Variants in EYA3 observed in about 807,000 individuals in gnomAD.
EYA3 encodes protein phosphatase EYA3.
Under a neutral mutation model 80.0 loss-of-function variants are expected in EYA3, and 39 were observed. The observed-to-expected ratio is 0.49, with a 90% CI of 0.38 to 0.64. EYA3 has a LOEUF of 0.64. Ranked by LOEUF, EYA3 falls within the 30% of genes least tolerant of loss-of-function variation. The probability of loss-of-function intolerance (pLI) is 0.00; values close to 1 mark genes in which losing one functional copy is unlikely to be tolerated. For synonymous variants in EYA3, 206 were observed against 232.8 expected (o/e 0.88, Z 1.05); for missense variants, 523 against 676.1 (o/e 0.77, Z 2.51).
chr1:28,013,596 T>C lies in EYA3; in HGVS notation c.586-302A>G, dbSNP rs1457060988. Among the ~76,000 whole-genome samples the C allele has an allele frequency of 1.3e-5, 2 of 152,176 alleles. No individual in the cohort carries two copies. Among genetic ancestry groups the C allele is most frequent in the African/African-American group, 4.8e-5 (2 of 41,430 alleles). On this transcript the variant is annotated intron_variant, in intron 8 of 17. Transcript: ENST00000373871. This position sits in a 1 kb window ranked among gnomAD's most constrained non-coding sequence, Gnocchi z 4.0. ...TCCCTTTTTGTACTCTAACAGCCTC[T>C]TCCCCCAGTTTTATGTACCGAATTT...
At chr1:28,051,435 C>A (rs1385450584) in intron 2 of EYA3, among the ~76,000 whole-genome samples, 1 of 152,108 alleles carries the variant, frequency 6.6e-6, no homozygotes, top group Non-Finnish European at 1.5e-5. Flanking sequence ...CGCTTCTAAT[C>A]CCAGCACTTT....
chr1:28,081,482 T>C (rs72658366), intron 1 of EYA3, among the ~76,000 whole-genome samples: 3,834 of 152,326 alleles, frequency 0.025, 98 homozygotes, highest in African/African-American at 0.064. Context: ...AATAAAACAC[T>C]GATTTTTATA....
chr1:28,050,190 A>AT (rs1453963350), intron 2 of EYA3, among the ~76,000 whole-genome samples: 6 of 97,840 alleles, frequency 6.1e-5, no homozygotes, highest in Admixed American at 2.1e-4. Flanking sequence ...TATTATTATT[A>AT]TTATTATTAT....
chr1:28,047,741 C>T (rs560169409), intron 3 of EYA3, among the ~76,000 whole-genome samples: 21 of 151,746 alleles, frequency 1.4e-4, no homozygotes, highest in Non-Finnish European at 2.4e-4. Flanking sequence ...CAGGTTCACA[C>T]CATTCTCCTG....
At chr1:28,078,960 T>C (rs1645322673) in intron 1 of EYA3, among the ~76,000 whole-genome samples, 1 of 152,212 alleles carries the variant, frequency 6.6e-6, no homozygotes, top group Admixed American at 6.5e-5. Flanking sequence ...CTGACTGAGC[T>C]TAAAATGTAT....
intron 6 of EYA3, among the ~76,000 whole-genome samples, chr1:28,031,407 C>G (rs1643130611): frequency 6.6e-6 from 1 of 152,214 alleles, no homozygotes. Flanking sequence ...TCTATGCCAA[C>G]AACTACCAAG....
chr1:28,006,214 G>A (rs770795462), intron 10 of EYA3, among the ~76,000 whole-genome samples: 20 of 151,936 alleles, frequency 1.3e-4, no homozygotes, highest in Non-Finnish European at 2.5e-4. Context: ...AGTGCAAAAG[G>A]CTTATTGGAA....
intron 12 of EYA3, among the ~76,000 whole-genome samples, chr1:27,999,637 T>C (rs1306690813): frequency 6.6e-6 from 1 of 152,062 alleles, no homozygotes; most frequent in Non-Finnish European, 1.5e-5. Flanking sequence ...TTATTTAATA[T>C]AGATTATTAA....
intron 17 of EYA3, among the ~76,000 whole-genome samples, chr1:27,974,797 C>A (rs1405682913): frequency 6.6e-6 from 1 of 152,084 alleles, no homozygotes; most frequent in East Asian, 1.9e-4. Context: ...ATTACCTGTT[C>A]TAGCTATTAT....
chr1:28,022,521 A>G (rs1422438857), intron 7 of EYA3, among the ~76,000 whole-genome samples: 1 of 152,196 alleles, frequency 6.6e-6, no homozygotes, highest in Non-Finnish European at 1.5e-5. Context: ...CTATGTAATA[A>G]TGGATCAGAG....
chr1:28,011,715 C>T lies in EYA3; in HGVS notation c.770-629G>A, dbSNP rs116146368. On this transcript the variant is annotated intron_variant, in intron 9 of 17. Transcript: ENST00000373871. ...TCCAGTTTCTTCAACAAACAAACTACAAGGGGGAGAAAAAGAGACGGGAGG... is the reference window on the plus strand; with the variant it reads ...TCCAGTTTCTTCAACAAACAAACTATAAGGGGGAGAAAAAGAGACGGGAGG... Among the ~76,000 whole-genome samples, 710 of 152,114 alleles carry T rather than the reference C, an allele frequency of 4.7e-3. 5 individuals are homozygous for T. Among genetic ancestry groups the T allele is most frequent in the African/African-American group, 0.016 (674 of 41,508 alleles).
intron 2 of EYA3, among the ~76,000 whole-genome samples, chr1:28,053,447 T>A (rs982721366): frequency 2.6e-5 from 4 of 152,190 alleles, no homozygotes; most frequent in African/African-American, 9.6e-5. Context: ...ATAATCACAC[T>A]TTAAATATAA....
intron 7 of EYA3, among the ~76,000 whole-genome samples, chr1:28,023,378 C>A (rs1642577162): frequency 6.6e-6 from 1 of 152,060 alleles, no homozygotes; most frequent in African/African-American, 2.4e-5. Flanking sequence ...ATAGTGAATT[C>A]TATCTAAAGA....
At chr1:28,000,283 T>A (rs1457864218) in intron 11 of EYA3, among the ~76,000 whole-genome samples, 1 of 152,188 alleles carries the variant, frequency 6.6e-6, no homozygotes, top group Non-Finnish European at 1.5e-5. Flanking sequence ...AGTAGTTTCA[T>A]AAAGATAAAT....
chr1:28,006,234 A>G (rs1056795513), intron 10 of EYA3, among the ~76,000 whole-genome samples: 3 of 152,226 alleles, frequency 2.0e-5, no homozygotes, highest in Non-Finnish European at 2.9e-5. Flanking sequence ...AAAAAAAATT[A>G]TGCAAAGTAA....
chr1:28,039,015 G>T, intron 4 of EYA3, 110 bp from the exon 5 acceptor site: 2 of 574,060 alleles, frequency 3.5e-6, no homozygotes, highest in Non-Finnish European at 6.1e-6. Flanking sequence ...ACAGAATACA[G>T]CTTGGACACC....
chr1:28,052,973 G>GT (rs1203161090), intron 2 of EYA3, among the ~76,000 whole-genome samples: 1 of 151,734 alleles, frequency 6.6e-6, no homozygotes, highest in Non-Finnish European at 1.5e-5. Context: ...GGGCAACAGA[G>GT]TAAGACCCCA....
intron 2 of EYA3, among the ~76,000 whole-genome samples, chr1:28,052,167 C>A (rs1389653242): frequency 6.6e-6 from 1 of 152,122 alleles, no homozygotes; most frequent in African/African-American, 2.4e-5. Context: ...TGCCACCATG[C>A]CTGGCTAATT....
chr1:28,065,258 T>C (rs1644790528), intron 1 of EYA3, among the ~76,000 whole-genome samples: 1 of 152,168 alleles, frequency 6.6e-6, no homozygotes, highest in African/African-American at 2.4e-5. Flanking sequence ...GACAGAAGAT[T>C]AGTTCTTACC....
Sources: gnomAD v4.1 joint callset for allele counts (sites outside exome capture counted in the v4.1 genomes callset) on GRCh38, gnomAD v4.1.1 for gene constraint, Gnocchi (gnomAD v3.1) non-coding constraint, MANE v1.5 for transcripts, NCBI Gene and HGNC (gene_info 2026-07-23, HGNC 2026-07-21) for gene names.